VRK2: variants seen among roughly 807,000 people sequenced by gnomAD.
VRK2 encodes the protein serine/threonine-protein kinase VRK2.
A neutral mutation model predicts 57.6 loss-of-function variants in VRK2; 60 were observed. The observed-to-expected ratio is 1.04, with a 90% CI of 0.85 to 1.29. The LOEUF (loss-of-function observed/expected upper bound fraction) is 1.29, where lower values mean the gene tolerates loss of function less well. Among genes scored for constraint, VRK2 ranks in the 50% most tolerant of loss-of-function variants. The probability of loss-of-function intolerance (pLI) is 0.00; values close to 1 mark genes in which losing one functional copy is unlikely to be tolerated. For synonymous variants in VRK2, 231 were observed against 199.2 expected, an observed-to-expected ratio of 1.16 and a Z score of -1.35; for missense variants, 705 against 588.1, an observed-to-expected ratio of 1.20 and a Z score of -2.06.
chr2:58,156,607 TG>T (rs1170543607), intron 12 of VRK2, among the ~76,000 whole-genome samples: 192 of 151,148 alleles, frequency 1.3e-3, no homozygotes, highest in African/African-American at 4.5e-3. Context: ...TGTTTTGTTT[TG>T]TTTTGTTTTT....
At chr2:57,962,529 G>A (rs925779038) in intron 1 of VRK2, among the ~76,000 whole-genome samples, 10 of 152,020 alleles carry the variant, frequency 6.6e-5, no homozygotes, top group African/African-American at 2.4e-4. Context: ...TAGGTAATAA[G>A]CATAGTATTT....
chr2:57,938,180 T>C (rs1452998560), intron 1 of VRK2, among the ~76,000 whole-genome samples: 1 of 152,222 alleles, frequency 6.6e-6, no homozygotes, highest in Non-Finnish European at 1.5e-5. Context: ...TCAACTACAC[T>C]TTAAATCATT....
Position 58,048,600 on chromosome 2 carries a change from C to T in VRK2, c.-5-227C>T, listed in dbSNP as rs180779308. On this transcript the variant is annotated intron_variant, in intron 1 of 12. Coordinates refer to ENST00000340157, the MANE Select transcript of VRK2 (RefSeq NM_006296.7). Reference sequence around the variant, plus strand: ...TGGATGAAATTTGGTTAGTTTGCTTCTGTTTTTTTAAAATATCTATACCTC... The same window carrying T: ...TGGATGAAATTTGGTTAGTTTGCTTTTGTTTTTTTAAAATATCTATACCTC... 1.3e-4 allele frequency: 194 copies of T among 1,462,314 alleles called. No individual in the cohort carries two copies. In the African/African-American group the frequency reaches 2.6e-3, roughly 19 times the overall value. The allele number at this position is 1,462,314 out of a possible 1,614,324, so 90.6% of individuals were successfully genotyped here.
chr2:57,965,047 C>A (rs1476239125), intron 1 of VRK2, among the ~76,000 whole-genome samples: 1 of 152,090 alleles, frequency 6.6e-6, no homozygotes, highest in Non-Finnish European at 1.5e-5. Flanking sequence ...AACTTTGGAT[C>A]ATTTATATGT....
At chr2:58,125,927 GT>G (rs1678276373) in intron 8 of VRK2, among the ~76,000 whole-genome samples, 1 of 151,974 alleles carries the variant, frequency 6.6e-6, no homozygotes, top group Admixed American at 6.6e-5. Context: ...AAACATTTCA[GT>G]TGAGGATTTT....
chr2:58,084,170 T>G, intron 3 of VRK2, 32 bp downstream of exon 3: 1 of 1,565,994 alleles, frequency 6.4e-7, no homozygotes, highest in Non-Finnish European at 8.7e-7. Context: ...GTATTTCACA[T>G]ATATTTGACT....
At chr2:57,924,604 G>C (rs1197796867) in intron 1 of VRK2, among the ~76,000 whole-genome samples, 2 of 151,670 alleles carry the variant, frequency 1.3e-5, no homozygotes, top group African/African-American at 4.8e-5. Flanking sequence ...AGTTCTAATA[G>C]TTTTCCTTTA....
chr2:57,982,353 C>T (rs1672446278), intron 1 of VRK2, among the ~76,000 whole-genome samples: 1 of 152,198 alleles, frequency 6.6e-6, no homozygotes, highest in Non-Finnish European at 1.5e-5. Context: ...TGAGTCCATG[C>T]ACACACATGT....
chr2:57,970,724 C>G (rs1014948221), intron 1 of VRK2, among the ~76,000 whole-genome samples: 3 of 151,778 alleles, frequency 2.0e-5, no homozygotes, highest in African/African-American at 7.2e-5. Context: ...TATTATAAAG[C>G]AAAATAAATC....
At chr2:58,046,515 A>G (rs956309445), upstream of VRK2, 2 of 985,400 alleles carry the variant, frequency 2.0e-6, no homozygotes, top group Non-Finnish European at 2.4e-6. Flanking sequence ...TGTCGTGCTT[A>G]TTTCGTACCA....
intron 1 of VRK2, among the ~76,000 whole-genome samples, chr2:57,979,273 T>C (rs1436764897): frequency 6.6e-6 from 1 of 151,124 alleles, no homozygotes; most frequent in Non-Finnish European, 1.5e-5. Flanking sequence ...GTAATTTACA[T>C]TCCCACCAAC....
At chr2:58,070,176 T>A (rs1447896367) in intron 2 of VRK2, among the ~76,000 whole-genome samples, 1 of 152,142 alleles carries the variant, frequency 6.6e-6, no homozygotes, top group African/African-American at 2.4e-5. Flanking sequence ...GTCCATAATT[T>A]AAACTAGATC....
intron 1 of VRK2, among the ~76,000 whole-genome samples, chr2:58,004,976 C>T (rs1673199036): frequency 6.6e-6 from 1 of 152,140 alleles, no homozygotes; most frequent in South Asian, 2.1e-4. Context: ...CATTATTCTA[C>T]TTCCAGGGAC....
At chr2:58,125,556 A>T (rs766105360) in intron 8 of VRK2, among the ~76,000 whole-genome samples, 1 of 152,002 alleles carries the variant, frequency 6.6e-6, no homozygotes, top group Non-Finnish European at 1.5e-5. Context: ...TACATTAAAT[A>T]TTTTTGGGAT....
rs1681043451 is a variant in VRK2 at position 58,139,713 on chromosome 2, G to A, written c.904G>A (p.Glu302Lys). The A allele has an allele frequency of 1.9e-6, 3 of 1,613,092 alleles. No homozygotes were observed. Among genetic ancestry groups the A allele is most frequent in the Non-Finnish European group, 2.5e-6 (3 of 1,179,384 alleles). ...LVCAHSLAYD[E>K]KPNYQALKKI... ...ATGTGCTCATAGTTTAGCATATGAT[G>A]AAAAGCCAAACTATCAAGCCCTCAA... Residue 302 changes from glutamate (E) to lysine (K), a missense_variant, in exon 11 of 13, where the codon GAA becomes AAA. Glu to Lys is a moderately conservative substitution (Grantham distance 56). Transcript: ENST00000340157.
chr2:58,101,609 C>G (rs1673976557), intron 7 of VRK2, among the ~76,000 whole-genome samples: 1 of 151,412 alleles, frequency 6.6e-6, no homozygotes, highest in Non-Finnish European at 1.5e-5. Flanking sequence ...TAGTGGACTT[C>G]TCTGTGCCAC....
chr2:57,978,369 C>T (rs965305225), intron 1 of VRK2, among the ~76,000 whole-genome samples: 6 of 151,016 alleles, frequency 4.0e-5, no homozygotes, highest in Non-Finnish European at 8.8e-5. Context: ...GCTTTACTTT[C>T]GATTTGCCTC....
intron 1 of VRK2, among the ~76,000 whole-genome samples, chr2:57,933,843 A>G (rs1327036011): frequency 6.6e-6 from 1 of 151,830 alleles, no homozygotes; most frequent in African/African-American, 2.4e-5. Context: ...TTGTGATTTG[A>G]TAATTTTCTT....
intron 12 of VRK2, chr2:58,159,097 A>G (rs1037644872): frequency 1.9e-5 from 6 of 310,230 alleles, no homozygotes; most frequent in African/African-American, 1.3e-4. Context: ...TAAATTACTT[A>G]AGAGATGGCC....
Sources: allele counts gnomAD v4.1 joint callset (sites outside exome capture counted in the v4.1 genomes callset), GRCh38; gene constraint gnomAD v4.1.1; transcripts MANE v1.5; gene names NCBI Gene and HGNC (gene_info 2026-07-23, HGNC 2026-07-21).